Variants in RIN2 observed in about 807,000 individuals in gnomAD.
RIN2 encodes the protein RAB5 interacting protein 2.
RIN2 carries 36 observed loss-of-function variants against 78.0 expected under a neutral mutation model. The observed-to-expected ratio is 0.46, with a 90% CI of 0.35 to 0.61. The LOEUF is 0.61. RIN2 is among the 20% of genes least tolerant of loss of function. The probability of loss-of-function intolerance (pLI) is 0.00; values close to 1 mark genes in which losing one functional copy is unlikely to be tolerated. For synonymous variants in RIN2, 466 were observed against 466.8 expected (o/e 1.00, Z 0.02); for missense variants, 1,087 against 1,159.7 (o/e 0.94, Z 0.91).
chr20:20,000,965 TC>T lies in RIN2; in HGVS notation c.*31del. The stretch of plus-strand genomic sequence containing the variant: ...ACAGGCGGGACTTCCCAGTGGTGCA[TC>T]CAAAGGGGAGCTGGAAGCCTTGCCT... On this transcript the variant is annotated 3_prime_UTR_variant, in exon 13 of 13. Transcript: ENST00000255006. 1 of 1,565,038 alleles carries T rather than the reference TC, an allele frequency of 6.4e-7. No individual in the cohort carries two copies.
At chr20:19,964,867 G>A (rs2041887209) in intron 6 of RIN2, 85 bp from the exon 7 acceptor site, 3 of 1,133,836 alleles carry the variant, frequency 2.6e-6, no homozygotes, top group Admixed American at 1.7e-5. Flanking sequence ...TACTCAGATG[G>A]TCCCACACAC....
chr20:19,803,222 T>A (rs149195920), intron 2 of RIN2, among the ~76,000 whole-genome samples: 294 of 152,292 alleles, frequency 1.9e-3, no homozygotes, highest in African/African-American at 6.8e-3. Context: ...AGATGCAGCT[T>A]AGAAGCCTGA....
intron 12 of RIN2, among the ~76,000 whole-genome samples, chr20:19,998,414 A>C (rs1452768933): frequency 6.6e-6 from 1 of 152,124 alleles, no homozygotes; most frequent in Non-Finnish European, 1.5e-5. Context: ...CTTGGCAACA[A>C]AGTGAGACTC....
chr20:19,870,293 G>A (rs2037651139), intron 2 of RIN2, among the ~76,000 whole-genome samples: 1 of 152,240 alleles, frequency 6.6e-6, no homozygotes, highest in East Asian at 1.9e-4. Context: ...TCTAGTCCAG[G>A]AACTAGTCCA....
intron 3 of RIN2, among the ~76,000 whole-genome samples, chr20:19,902,042 A>T (rs1029219530): frequency 1.4e-5 from 2 of 141,892 alleles, no homozygotes; most frequent in African/African-American, 2.5e-5. Flanking sequence ...AAAAAAAAAA[A>T]TTGAGCAAAC....
At chr20:19,922,950 G>A (rs1600812505) in intron 3 of RIN2, among the ~76,000 whole-genome samples, 1 of 152,198 alleles carries the variant, frequency 6.6e-6, no homozygotes, top group East Asian at 1.9e-4. Flanking sequence ...GGCTCTGCCA[G>A]CATAACTTCC....
chr20:19,774,063 G>C (rs73901287), intron 1 of RIN2, among the ~76,000 whole-genome samples: 1 of 152,184 alleles, frequency 6.6e-6, no homozygotes, highest in African/African-American at 2.4e-5. Flanking sequence ...GAGCAACTGT[G>C]TTTATGGGCT....
chr20:19,887,421 T>G (rs550606658), intron 2 of RIN2, among the ~76,000 whole-genome samples: 95 of 152,298 alleles, frequency 6.2e-4, no homozygotes, highest in African/African-American at 2.2e-3. Context: ...TCCCATGGGA[T>G]GTACCTGCTG....
rs1227800281 is a variant in RIN2, at chr20:19,881,671, G to A, written c.-36-7895G>A. On this transcript the variant is annotated intron_variant, in intron 2 of 12. Coordinates refer to ENST00000255006, the MANE Select transcript of RIN2 (RefSeq NM_018993.4). The stretch of plus-strand genomic sequence containing the variant: ...AGCTCACCACAGCCTCAATCTCCTG[G>A]ACTCAAGAGATCCTCCCTCTTTAGC... Among the ~76,000 whole-genome samples, 4 of 152,102 alleles carry A rather than the reference G, an allele frequency of 2.6e-5. No homozygotes were observed. The South Asian group carries it at 8.3e-4, about 32-fold the overall frequency.
intron 3 of RIN2, among the ~76,000 whole-genome samples, chr20:19,927,061 G>T (rs998087973): frequency 6.6e-6 from 1 of 152,150 alleles, no homozygotes; most frequent in Admixed American, 6.5e-5. Context: ...TAGGTTAGAG[G>T]CTTCTGAGCA....
At chr20:19,845,796 T>G in intron 2 of RIN2, among the ~76,000 whole-genome samples, 2 of 152,188 alleles carry the variant, frequency 1.3e-5, no homozygotes, top group African/African-American at 2.4e-5. Flanking sequence ...TCATGAAGTC[T>G]TTGCCCATGC....
intron 2 of RIN2, among the ~76,000 whole-genome samples, chr20:19,885,369 G>A (rs1364115537): frequency 2.6e-5 from 4 of 152,264 alleles, no homozygotes; most frequent in East Asian, 1.9e-4. Flanking sequence ...AATGTATTGC[G>A]TATTTGAAAA....
chr20:19,842,387 CTTTTT>C (rs139642869), intron 2 of RIN2, among the ~76,000 whole-genome samples: 3 of 46,198 alleles, frequency 6.5e-5, no homozygotes, highest in African/African-American at 2.2e-4. Flanking sequence ...CCATCCCTGG[CTTTTT>C]TTTTTTTTTT....
At chr20:19,769,401 C>G (rs2034027116) in intron 1 of RIN2, among the ~76,000 whole-genome samples, 1 of 152,196 alleles carries the variant, frequency 6.6e-6, no homozygotes, top group African/African-American at 2.4e-5. Context: ...CCTCACCACC[C>G]AGGCTAGTAG....
At chr20:19,974,052 C>T (rs948410640) in intron 8 of RIN2, among the ~76,000 whole-genome samples, 2 of 152,182 alleles carry the variant, frequency 1.3e-5, no homozygotes, top group South Asian at 2.1e-4. Flanking sequence ...GCACATTAAG[C>T]TTGCTGTGGT....
chr20:19,836,321 G>T (rs2036418066), intron 2 of RIN2, among the ~76,000 whole-genome samples: 1 of 152,214 alleles, frequency 6.6e-6, no homozygotes, highest in Admixed American at 6.5e-5. Flanking sequence ...GAATTCATAA[G>T]TGACTAGTTC....
At chr20:19,999,343 C>T (rs1398782714) in intron 12 of RIN2, among the ~76,000 whole-genome samples, 2 of 152,192 alleles carry the variant, frequency 1.3e-5, no homozygotes, top group Non-Finnish European at 2.9e-5. Flanking sequence ...ACCTCTCCTG[C>T]AAAGTCACTG....
At position 19,948,544 on chromosome 20, in the gene RIN2, G is replaced by A. The variant is rs546596677; in HGVS notation, c.159-8071G>A. Among the ~76,000 whole-genome samples the A allele has an allele frequency of 5.6e-3, 856 of 152,112 alleles. 2 individuals carry two copies. The highest frequency in any genetic ancestry group is 9.8e-3 in the Non-Finnish European group (664 of 68,000). ...CGAGTAGCTGGGACTACAGGAGCGCGCCACCACACCCAGTTAATTTTTGTA... is the reference window on the plus strand; with the variant it reads ...CGAGTAGCTGGGACTACAGGAGCGCACCACCACACCCAGTTAATTTTTGTA... On this transcript the variant is annotated intron_variant, in intron 4 of 12. Transcript: ENST00000255006.
chr20:19,842,204 CTTTGTTTTT>C (rs1460645463), intron 2 of RIN2, among the ~76,000 whole-genome samples: 1 of 102,400 alleles, frequency 9.8e-6, no homozygotes, highest in Non-Finnish European at 2.0e-5. Context: ...TTTTTTGTTT[CTTTGTTTTT>C]TTTGTTTGTT....
Sources: gnomAD v4.1 joint callset for allele counts (sites outside exome capture counted in the v4.1 genomes callset) on GRCh38, gnomAD v4.1.1 for gene constraint, MANE v1.5 for transcripts, NCBI Gene and HGNC (gene_info 2026-07-23, HGNC 2026-07-21) for gene names.